The following PXDNL variants were observed in gnomAD, a reference collection of about 807,000 sequenced individuals.
PXDNL encodes the protein peroxidasin like, also known as probable oxidoreductase PXDNL.
In PXDNL, 145 loss-of-function variants were observed where a neutral mutation model predicts 150.8. The ratio of observed to expected loss-of-function variants is 0.96; its 90% confidence interval spans 0.84 to 1.10. The LOEUF is 1.10. Among genes scored for constraint, PXDNL ranks in the 50% least tolerant of loss-of-function variants. The probability of loss-of-function intolerance (pLI) is 0.00; values close to 1 mark genes in which losing one functional copy is unlikely to be tolerated. For synonymous variants in PXDNL, 757 were observed against 725.7 expected, an observed-to-expected ratio of 1.04 and a Z score of -0.69; for missense variants, 2,087 against 1,873.9, an observed-to-expected ratio of 1.11 and a Z score of -2.10.
chr8:51,390,566 A>G (rs146183790), intron 17 of PXDNL, among the ~76,000 whole-genome samples: 69 of 152,254 alleles, frequency 4.5e-4, no homozygotes, highest in Middle Eastern at 3.4e-3. Flanking sequence ...GGTATTCTAT[A>G]AATTTGCATG....
At chr8:51,352,994 A>G (rs569915337) in intron 19 of PXDNL, among the ~76,000 whole-genome samples, 2 of 152,324 alleles carry the variant, frequency 1.3e-5, no homozygotes, top group South Asian at 2.1e-4. Context: ...TTACCTATTG[A>G]GTACAATGGT....
intron 13 of PXDNL, among the ~76,000 whole-genome samples, chr8:51,424,219 G>A (rs1809030507): frequency 6.6e-6 from 1 of 151,968 alleles, no homozygotes; most frequent in East Asian, 1.9e-4. Context: ...TAGAACAAAA[G>A]TCAGCCAGGC....
intron 1 of PXDNL, among the ~76,000 whole-genome samples, chr8:51,756,698 C>A (rs1332091821): frequency 5.3e-5 from 8 of 151,850 alleles, no homozygotes; most frequent in Non-Finnish European, 2.9e-5. Context: ...TAGAAAAAAA[C>A]TTTAAAAATT....
chr8:51,355,999 T>C (rs1220840478), intron 19 of PXDNL, among the ~76,000 whole-genome samples: 1 of 152,100 alleles, frequency 6.6e-6, no homozygotes, highest in Non-Finnish European at 1.5e-5. Flanking sequence ...AACGACGAGG[T>C]CACATGGTGG....
intron 1 of PXDNL, among the ~76,000 whole-genome samples, chr8:51,711,879 C>G: frequency 6.6e-6 from 1 of 152,176 alleles, no homozygotes; most frequent in Non-Finnish European, 1.5e-5. Flanking sequence ...TTTATTGTTA[C>G]TGAAACACCA....
chr8:51,479,692 T>C (rs999634828), intron 6 of PXDNL, among the ~76,000 whole-genome samples: 9 of 152,208 alleles, frequency 5.9e-5, no homozygotes, highest in Non-Finnish European at 1.0e-4. Flanking sequence ...AGTGAAATAA[T>C]AGACACTGGA....
intron 1 of PXDNL, among the ~76,000 whole-genome samples, chr8:51,754,691 GAT>G (rs1268251407): frequency 2.0e-5 from 3 of 151,974 alleles, no homozygotes; most frequent in Non-Finnish European, 2.9e-5. Flanking sequence ...TTTTAGTAGA[GAT>G]ACGGTTTCAC....
At chr8:51,469,211 A>G (rs1209109987) in intron 8 of PXDNL, among the ~76,000 whole-genome samples, 1 of 152,036 alleles carries the variant, frequency 6.6e-6, no homozygotes, top group East Asian at 1.9e-4. Flanking sequence ...TACCGCAAAT[A>G]TAACTGCTGT....
At chr8:51,802,825 C>T (rs1255620821) in intron 1 of PXDNL, among the ~76,000 whole-genome samples, 3 of 152,138 alleles carry the variant, frequency 2.0e-5, no homozygotes, top group Non-Finnish European at 4.4e-5. Context: ...AATATACAGG[C>T]TAACAAAGAA....
intron 4 of PXDNL, among the ~76,000 whole-genome samples, chr8:51,541,997 A>AT (rs1812226954): frequency 6.6e-6 from 1 of 152,202 alleles, no homozygotes; most frequent in South Asian, 2.1e-4. Context: ...TCTCCCAGAT[A>AT]TTATATATCA....
chr8:51,425,622 A>G (rs965145714), intron 13 of PXDNL, among the ~76,000 whole-genome samples: 2 of 152,054 alleles, frequency 1.3e-5, no homozygotes, highest in Admixed American at 1.3e-4. Flanking sequence ...TCATGAGGTC[A>G]GGGGATCGAG....
At chr8:51,765,894 A>C (rs2037224240) in intron 1 of PXDNL, among the ~76,000 whole-genome samples, 1 of 150,972 alleles carries the variant, frequency 6.6e-6, no homozygotes, top group Non-Finnish European at 1.5e-5. Context: ...CCCAGGCTGG[A>C]GTGCAGTGGT....
chr8:51,693,977 T>C (rs1487004354), intron 1 of PXDNL, among the ~76,000 whole-genome samples: 1 of 152,180 alleles, frequency 6.6e-6, no homozygotes, highest in Non-Finnish European at 1.5e-5. Flanking sequence ...AGTCACCAAA[T>C]CACACTTCTG....
intron 1 of PXDNL, among the ~76,000 whole-genome samples, chr8:51,754,536 C>T (rs2037079542): frequency 1.3e-5 from 2 of 151,896 alleles, no homozygotes; most frequent in Admixed American, 6.6e-5. Flanking sequence ...CAGAGTCTCG[C>T]TCTGTCACCC....
chr8:51,390,651 A>G (rs965728556), intron 17 of PXDNL, among the ~76,000 whole-genome samples: 2 of 152,116 alleles, frequency 1.3e-5, no homozygotes, highest in Non-Finnish European at 2.9e-5. Context: ...CCAAGAAGTG[A>G]TGTGGATTCA....
At chr8:51,335,720 C>CACACACACAT (rs3223363) in intron 21 of PXDNL, among the ~76,000 whole-genome samples, 1 of 151,274 alleles carries the variant, frequency 6.6e-6, no homozygotes, top group African/African-American at 2.4e-5. Context: ...CACACACACA[C>CACACACACAT]ATCCATGCCC....
At chr8:51,753,998 C>T (rs1355452093) in intron 1 of PXDNL, among the ~76,000 whole-genome samples, 3 of 152,144 alleles carry the variant, frequency 2.0e-5, no homozygotes. Context: ...AGACCTGAGG[C>T]TTATTTCTAC....
chr8:51,559,599 T>C (rs1429289496), intron 3 of PXDNL, among the ~76,000 whole-genome samples: 1 of 152,022 alleles, frequency 6.6e-6, no homozygotes, highest in Non-Finnish European at 1.5e-5. Flanking sequence ...AAAGCATCTC[T>C]AGAGTCCACC....
At chr8:51,669,515 T>A (rs1402865639) in intron 1 of PXDNL, among the ~76,000 whole-genome samples, 2 of 152,222 alleles carry the variant, frequency 1.3e-5, no homozygotes, top group African/African-American at 4.8e-5. Context: ...ATTTAAAGCA[T>A]CCTTTAGTCT....
Sources: allele counts gnomAD v4.1 joint callset (sites outside exome capture counted in the v4.1 genomes callset), GRCh38; gene constraint gnomAD v4.1.1; transcripts MANE v1.5; gene names NCBI Gene and HGNC (gene_info 2026-07-23, HGNC 2026-07-21).